The following SLK variants were observed in gnomAD, a reference collection of about 807,000 sequenced individuals.
The protein encoded by SLK is STE20 like kinase.
In SLK, 67 loss-of-function variants were observed where a neutral mutation model predicts 147.7. That is an observed-to-expected ratio of 0.45 (90% CI 0.37 to 0.56). SLK has a LOEUF of 0.56. Among genes scored for constraint, SLK ranks in the 20% least tolerant of loss-of-function variants. SLK has a pLI of 0.00. For synonymous variants in SLK, 441 were observed against 475.0 expected (o/e 0.93, Z 0.93); for missense variants, 1,136 against 1,438.8 (o/e 0.79, Z 3.41).
At chr10:104,012,349 C>G (rs1844410987) in intron 13 of SLK, among the ~76,000 whole-genome samples, 1 of 152,040 alleles carries the variant, frequency 6.6e-6, no homozygotes. Context: ...ATAAAACTAG[C>G]TTGTCTGAAT....
intron 9 of SLK, among the ~76,000 whole-genome samples, chr10:104,005,336 AT>A (rs1422980001): frequency 6.6e-6 from 1 of 152,218 alleles, no homozygotes; most frequent in East Asian, 1.9e-4. Flanking sequence ...CTTTGAAAAA[AT>A]TTGATTTCAT....
chr10:104,010,896 C>T lies in SLK; in HGVS notation c.2865C>T (p.Ser955=). 1 of 1,580,706 alleles carries T rather than the reference C, an allele frequency of 6.3e-7. No homozygotes were observed. Among genetic ancestry groups the T allele is most frequent in the East Asian group, 2.3e-5 (1 of 43,908 alleles). The change falls in exon 13 of 19, where the codon AGC becomes AGT. Residue 955 remains serine (S), a synonymous_variant. Transcript: ENST00000369755. Reference sequence around the variant, plus strand: ...GCAGGAAAGAGGAGCTTGCACAAAGCCAGCATGCTCAGGTAACAGCAGCAG... The same window carrying T: ...GCAGGAAAGAGGAGCTTGCACAAAGTCAGCATGCTCAGGTAACAGCAGCAG... ...MKRRKEELAQ[S]QHAQEQEFVQ... is the part of the protein sequence containing the mutation.
intron 13 of SLK, among the ~76,000 whole-genome samples, chr10:104,016,126 G>A (rs753913958): frequency 1.4e-4 from 21 of 152,046 alleles, no homozygotes; most frequent in Non-Finnish European, 2.8e-4. Flanking sequence ...AGACCATCCT[G>A]GCTACCACGG....
At chr10:103,999,636 G>T (rs1228947775) in intron 6 of SLK, among the ~76,000 whole-genome samples, 1 of 152,100 alleles carries the variant, frequency 6.6e-6, no homozygotes, top group South Asian at 2.1e-4. Context: ...TGGCATACTT[G>T]TGAGTATATG....
chr10:103,995,512 C>T (rs906351769), intron 4 of SLK, among the ~76,000 whole-genome samples: 24 of 150,354 alleles, frequency 1.6e-4, no homozygotes, highest in African/African-American at 5.4e-4. Context: ...CTGCAACCCC[C>T]ACCTCCTGGG....
intron 13 of SLK, among the ~76,000 whole-genome samples, chr10:104,011,565 T>C (rs78277108): frequency 3.6e-4 from 34 of 94,650 alleles, no homozygotes; most frequent in African/African-American, 3.1e-4. Flanking sequence ...GTGAATTCTT[T>C]TTTTTTTTTT....
intron 15 of SLK, 52 bp from the exon 16 acceptor site, chr10:104,019,682 G>T: frequency 7.6e-7 from 1 of 1,316,920 alleles, no homozygotes; most frequent in South Asian, 1.2e-5. Context: ...ATATGCATGT[G>T]GGTACTGACT....
intron 4 of SLK, among the ~76,000 whole-genome samples, chr10:103,998,073 C>G (rs1042294161): frequency 1.3e-5 from 2 of 152,038 alleles, no homozygotes; most frequent in Non-Finnish European, 2.9e-5. Flanking sequence ...CCCCAAGAAC[C>G]ATATAATAGA....
Position 103,967,677 on chromosome 10 carries a change from G to GGGA in SLK, c.-68_-66dup. The GGGA allele has an allele frequency of 6.7e-7, 1 of 1,489,214 alleles. No individual in the cohort carries two copies. Among genetic ancestry groups the GGGA allele is most frequent in the Non-Finnish European group, 9.1e-7 (1 of 1,095,822 alleles). The allele number at this position is 1,489,214 out of a possible 1,614,324, so 92.3% of individuals were successfully genotyped here. On this transcript the variant is annotated 5_prime_UTR_variant, in exon 1 of 19. Coordinates refer to ENST00000369755, the MANE Select transcript of SLK (RefSeq NM_014720.4). ...CCAGCCGGGCTCGCGCGGGAGAGCA[G>GGGA]GGAAGAGAAACTTTGCCTTTTATTG...
At chr10:103,973,631 G>C (rs1250554240) in intron 1 of SLK, among the ~76,000 whole-genome samples, 1 of 152,238 alleles carries the variant, frequency 6.6e-6, no homozygotes, top group East Asian at 1.9e-4. Context: ...CTCTGTTTAG[G>C]TCTTTTTTAC....
chr10:104,011,562 CTT>C (rs763549049), intron 13 of SLK, among the ~76,000 whole-genome samples: 31 of 132,652 alleles, frequency 2.3e-4, no homozygotes, highest in Non-Finnish European at 2.3e-4. Context: ...TGGGTGAATT[CTT>C]TTTTTTTTTT....
rs772421926 is a variant in SLK, at chr10:104,005,945, G to A, written c.2514G>A (p.Gln838=). 1 of 1,611,174 alleles carries A rather than the reference G, an allele frequency of 6.2e-7. No individual in the cohort carries two copies. Among genetic ancestry groups the A allele is most frequent in the Non-Finnish European group, 8.5e-7 (1 of 1,179,288 alleles). ...RQELRELRFL[Q]KEEQRAQQQL... Reference sequence around the variant, plus strand: ...AACTTCGGGAATTAAGATTTCTTCAGAAAGAAGAGCAAAGAGCCCAACAAC... The same window carrying A: ...AACTTCGGGAATTAAGATTTCTTCAAAAAGAAGAGCAAAGAGCCCAACAAC... Residue 838 remains glutamine, a synonymous_variant, in exon 11 of 19, where the codon CAG becomes CAA. Coordinates refer to ENST00000369755, the MANE Select transcript of SLK (RefSeq NM_014720.4).
intron 13 of SLK, among the ~76,000 whole-genome samples, chr10:104,016,129 T>G (rs906981911): frequency 1.3e-5 from 2 of 152,056 alleles, no homozygotes; most frequent in Non-Finnish European, 2.9e-5. Context: ...CCATCCTGGC[T>G]ACCACGGTGA....
At chr10:104,018,126 T>C (rs745816836) in intron 13 of SLK, 34 bp from the exon 14 acceptor site, 1 of 1,530,394 alleles carries the variant, frequency 6.5e-7, no homozygotes, top group Non-Finnish European at 8.9e-7. Context: ...GTTCATTAGA[T>C]ACTTATTAAC....
chr10:103,979,338 T>C (rs1843911301), intron 1 of SLK, among the ~76,000 whole-genome samples: 3 of 152,258 alleles, frequency 2.0e-5, no homozygotes, highest in Admixed American at 2.0e-4. Flanking sequence ...TTTTTGCTTG[T>C]AAAGCATGTT....
intron 13 of SLK, among the ~76,000 whole-genome samples, chr10:104,016,043 G>A (rs1297856016): frequency 1.3e-5 from 2 of 152,136 alleles, no homozygotes; most frequent in East Asian, 3.8e-4. Context: ...TTGAGGCTGG[G>A]CGCGTTGGCT....
Position 104,025,790 on chromosome 10 carries a change from G to GC in SLK, c.*70_*71insC. ...CATTCTGTTCTCATCTTCTGCCACAGTCTCTCAGATAGCTCATGAAGACAA... is the reference window on the plus strand; with the variant it reads ...CATTCTGTTCTCATCTTCTGCCACAGCTCTCTCAGATAGCTCATGAAGACAA... On this transcript the variant is annotated 3_prime_UTR_variant, in exon 19 of 19. Transcript: ENST00000369755. 1 of 1,366,470 alleles carries GC rather than the reference G, an allele frequency of 7.3e-7. No individual in the cohort carries two copies. The highest frequency in any genetic ancestry group is 1.0e-6 in the Non-Finnish European group (1 of 971,816). 84.6% of individuals were successfully genotyped at this position (1,366,470 alleles called of 1,614,324 possible).
chr10:104,024,864 G>A (rs1844577806), intron 18 of SLK, among the ~76,000 whole-genome samples: 3 of 152,166 alleles, frequency 2.0e-5, no homozygotes, highest in Admixed American at 6.5e-5. Context: ...TCCTCACAGG[G>A]CGGAATAACA....
intron 1 of SLK, among the ~76,000 whole-genome samples, chr10:103,977,890 A>T (rs1040460046): frequency 2.0e-5 from 3 of 152,212 alleles, no homozygotes; most frequent in African/African-American, 7.2e-5. Context: ...ATGTAAAAAA[A>T]GTTGTATAGA....
Sources: gnomAD v4.1 joint callset for allele counts (sites outside exome capture counted in the v4.1 genomes callset) on GRCh38, gnomAD v4.1.1 for gene constraint, MANE v1.5 for transcripts, NCBI Gene and HGNC (gene_info 2026-07-23, HGNC 2026-07-21) for gene names.